Variants in RHBDD1 observed in about 807,000 individuals in gnomAD.
RHBDD1 encodes rhomboid domain containing 1, also known as rhomboid-related protein 4.
RHBDD1 carries 38 observed loss-of-function variants against 36.3 expected under a neutral mutation model. The observed-to-expected ratio is 1.05, with a 90% confidence interval of 0.81 to 1.37. The LOEUF (loss-of-function observed/expected upper bound fraction) is 1.37. Among genes scored for constraint, RHBDD1 ranks in the 40% most tolerant of loss-of-function variants. The pLI is 0.00. For synonymous variants in RHBDD1, 151 were observed against 136.5 expected (o/e 1.11, Z -0.74); for missense variants, 393 against 377.6 (o/e 1.04, Z -0.34).
chr2:226,921,869 TTAAG>T (rs1276146745), intron 8 of RHBDD1, among the ~76,000 whole-genome samples: 2 of 152,204 alleles, frequency 1.3e-5, no homozygotes, highest in African/African-American at 4.8e-5. Flanking sequence ...ATAGTGCAGA[TTAAG>T]TGTTATGTTT....
intron 5 of RHBDD1, among the ~76,000 whole-genome samples, chr2:226,887,059 A>T (rs1946282467): frequency 2.0e-5 from 3 of 152,198 alleles, no homozygotes; most frequent in Admixed American, 2.0e-4. Context: ...TTAAAACAGT[A>T]GATTTGAAAA....
upstream of RHBDD1, among the ~76,000 whole-genome samples, chr2:226,833,976 T>C (rs915065826): frequency 6.6e-6 from 1 of 152,246 alleles, no homozygotes; most frequent in Non-Finnish European, 1.5e-5. Flanking sequence ...GATATTTTTT[T>C]CTATCTGTTA....
intron 8 of RHBDD1, among the ~76,000 whole-genome samples, chr2:226,987,637 G>A (rs1444257177): frequency 6.6e-6 from 1 of 152,176 alleles, no homozygotes; most frequent in Admixed American, 6.5e-5. Context: ...AGAGGTCCAG[G>A]CCCCCCTCTG....
intron 4 of RHBDD1, among the ~76,000 whole-genome samples, chr2:226,865,738 T>C (rs1174584940): frequency 3.9e-5 from 6 of 152,228 alleles, no homozygotes; most frequent in Non-Finnish European, 8.8e-5. Flanking sequence ...CATGAATCAC[T>C]GGGCAAAGCT....
intron 8 of RHBDD1, among the ~76,000 whole-genome samples, chr2:226,948,555 C>T (rs945869908): frequency 2.3e-5 from 1 of 44,414 alleles, no homozygotes; most frequent in Non-Finnish European, 4.5e-5. Context: ...TACCCTAAAA[C>T]TTAAAGTATA....
chr2:226,957,774 C>A (rs1488104929), intron 8 of RHBDD1, among the ~76,000 whole-genome samples: 1 of 151,002 alleles, frequency 6.6e-6, no homozygotes, highest in Non-Finnish European at 1.5e-5. Context: ...TACAGAAGTC[C>A]CATAAGCACA....
intron 3 of RHBDD1, among the ~76,000 whole-genome samples, chr2:226,852,074 G>A (rs1005287510): frequency 2.6e-5 from 4 of 152,186 alleles, no homozygotes; most frequent in South Asian, 2.1e-4. Flanking sequence ...AATTGATCTC[G>A]CCTTTCTGTA....
chr2:226,839,867 T>G (rs1450568113), intron 3 of RHBDD1, among the ~76,000 whole-genome samples: 1 of 152,198 alleles, frequency 6.6e-6, no homozygotes, highest in Admixed American at 6.5e-5. Context: ...TTTAACTGAC[T>G]GTTGTTTAGG....
chr2:226,886,075 A>C lies in RHBDD1; in HGVS notation c.566+18757A>C, dbSNP rs141665328. On this transcript the variant is annotated intron_variant, in intron 5 of 8. Coordinates refer to ENST00000392062, the MANE Select transcript of RHBDD1 (RefSeq NM_001167608.3). ...TTTTCCATTTAATATTTTCAGACCA[A>C]GATTGATTGTGGGTAACTGAAACCG... 2.0e-5 allele frequency among the ~76,000 whole-genome samples: 3 copies of C among 152,336 alleles called. No individual in the cohort carries two copies. The South Asian group carries it at 6.2e-4, about 32-fold the overall frequency.
chr2:226,837,320 G>A (rs1054083402), intron 1 of RHBDD1, among the ~76,000 whole-genome samples: 2 of 152,166 alleles, frequency 1.3e-5, no homozygotes, highest in African/African-American at 4.8e-5. Flanking sequence ...TCTTCAGCGG[G>A]GTAGATATGA....
intron 5 of RHBDD1, chr2:226,895,856 T>C (rs937783696): frequency 2.5e-5 from 24 of 972,758 alleles, no homozygotes; most frequent in Admixed American, 2.5e-4. Context: ...AGAAGTACTG[T>C]TCTTAAAATG....
At chr2:226,815,713 G>GA in the RHBDD1 span, among the ~76,000 whole-genome samples, 3,202 of 148,848 alleles carry the variant, frequency 0.022, 109 homozygotes, top group African/African-American at 0.072. Flanking sequence ...GTACTCTGGA[G>GA]AAAAAAAAAA....
intron 5 of RHBDD1, among the ~76,000 whole-genome samples, chr2:226,888,618 T>C (rs978267935): frequency 6.6e-6 from 1 of 152,174 alleles, no homozygotes; most frequent in African/African-American, 2.4e-5. Flanking sequence ...TTGTTTTTTT[T>C]TTCTTTTTAA....
intron 5 of RHBDD1, among the ~76,000 whole-genome samples, chr2:226,871,094 A>G (rs1275241746): frequency 6.6e-6 from 1 of 152,206 alleles, no homozygotes; most frequent in East Asian, 1.9e-4. Context: ...CCAACTAAAA[A>G]TTATTTGGCT....
intron 7 of RHBDD1, among the ~76,000 whole-genome samples, chr2:226,910,053 A>G (rs531983417): frequency 6.6e-6 from 1 of 152,342 alleles, no homozygotes; most frequent in East Asian, 1.9e-4. Context: ...GTGTGTTCCA[A>G]TAGAATCTTA....
intron 8 of RHBDD1, among the ~76,000 whole-genome samples, chr2:226,985,901 G>T (rs1303772423): frequency 6.6e-6 from 1 of 152,236 alleles, no homozygotes; most frequent in African/African-American, 2.4e-5. Context: ...TAGTGGCAAA[G>T]GCCAAAGCTT....
intron 3 of RHBDD1, among the ~76,000 whole-genome samples, chr2:226,854,463 G>A (rs866867036): frequency 1.3e-4 from 20 of 151,940 alleles, no homozygotes; most frequent in East Asian, 1.9e-4. Flanking sequence ...GTATGCTGGC[G>A]CGCGCCTGTA....
intron 3 of RHBDD1, 23 bp from the exon 4 acceptor site, chr2:226,864,581 T>C (rs972955214): frequency 3.6e-6 from 3 of 826,348 alleles, no homozygotes; most frequent in Non-Finnish European, 6.0e-6. Flanking sequence ...TTGATGGTTT[T>C]TCACATGCAT....
chr2:226,970,736 T>C (rs1476369805), intron 8 of RHBDD1, among the ~76,000 whole-genome samples: 1 of 152,238 alleles, frequency 6.6e-6, no homozygotes, highest in Non-Finnish European at 1.5e-5. Flanking sequence ...CAAAACTGCC[T>C]TGAGGACCAT....
Sources: allele counts gnomAD v4.1 joint callset (sites outside exome capture counted in the v4.1 genomes callset), GRCh38; gene constraint gnomAD v4.1.1; transcripts MANE v1.5; gene names NCBI Gene and HGNC (gene_info 2026-07-23, HGNC 2026-07-21).